PLCH1: variants seen among roughly 807,000 people sequenced by gnomAD.
The protein encoded by PLCH1 is phospholipase C eta 1.
Under a neutral mutation model 126.7 loss-of-function variants are expected in PLCH1, and 60 were observed. The ratio of observed to expected loss-of-function variants is 0.47; its 90% CI spans 0.38 to 0.59. The LOEUF is 0.59. Ranked by LOEUF, PLCH1 falls within the 20% of genes least tolerant of loss-of-function variation. The probability of loss-of-function intolerance (pLI) is 0.00; values close to 1 mark genes in which losing one functional copy is unlikely to be tolerated. For missense variants in PLCH1, 1,723 were observed against 2,040.0 expected (o/e 0.84, Z 2.99); for synonymous variants, 719 against 734.9 (o/e 0.98, Z 0.35).
chr3:155,497,443 T>C (rs967657938), intron 14 of PLCH1, 26 bp from the exon 15 acceptor site: 17 of 1,522,516 alleles, frequency 1.1e-5, no homozygotes, highest in East Asian at 2.3e-5. Context: ...AGAGGATGCA[T>C]GACATTTTGG....
chr3:155,704,077 T>C, intron 2 of PLCH1, 69 bp downstream of exon 2: 1 of 581,678 alleles, frequency 1.7e-6, no homozygotes, highest in Non-Finnish European at 2.5e-6. Flanking sequence ...GCATCTAGAG[T>C]GCTAGAATAA....
At chr3:155,664,347 A>G (rs1321687470) in intron 2 of PLCH1, among the ~76,000 whole-genome samples, 1 of 152,246 alleles carries the variant, frequency 6.6e-6, no homozygotes, top group Non-Finnish European at 1.5e-5. Context: ...CCTTCGGTCA[A>G]GACTCCCTGA....
At chr3:155,529,728 G>A (rs1323335013) in intron 10 of PLCH1, among the ~76,000 whole-genome samples, 1 of 151,470 alleles carries the variant, frequency 6.6e-6, no homozygotes, top group Non-Finnish European at 1.5e-5. Flanking sequence ...GGTGGTTGCT[G>A]AAGGTTAGGT....
intron 4 of PLCH1, among the ~76,000 whole-genome samples, chr3:155,588,796 T>G (rs1268831182): frequency 6.6e-6 from 1 of 152,166 alleles, no homozygotes; most frequent in East Asian, 1.9e-4. Context: ...TACTTGGCCT[T>G]GTGACAGTGG....
intron 2 of PLCH1, among the ~76,000 whole-genome samples, chr3:155,701,090 C>T (rs1172386456): frequency 6.6e-6 from 1 of 152,148 alleles, no homozygotes; most frequent in African/African-American, 2.4e-5. Flanking sequence ...TCAATTCAAC[C>T]AGTTCATTTC....
intron 4 of PLCH1, among the ~76,000 whole-genome samples, chr3:155,591,760 G>T (rs988017497): frequency 1.3e-5 from 2 of 151,940 alleles, no homozygotes; most frequent in Admixed American, 6.6e-5. Context: ...TTGTTTTTGA[G>T]ACAGGGTCTT....
In PLCH1 at chr3:155,644,310, C is replaced by T. The variant is rs1202857626; in HGVS notation, c.80-47932G>A. 2.6e-5 allele frequency among the ~76,000 whole-genome samples: 4 copies of T among 152,128 alleles called. No individual in the cohort carries two copies. In the East Asian group the frequency reaches 7.8e-4, roughly 29 times the overall value. On this transcript the variant is annotated intron_variant, in intron 2 of 22. Transcript: ENST00000460012. ...AGTGAGTATAAGAAGTTTAAAAGTA[C>T]TGATTCCAGAGGCCGAGTGTGGTGA...
At chr3:155,683,461 T>A (rs1744687328) in intron 2 of PLCH1, among the ~76,000 whole-genome samples, 1 of 152,188 alleles carries the variant, frequency 6.6e-6, no homozygotes, top group Non-Finnish European at 1.5e-5. Flanking sequence ...GGCAAGATTT[T>A]ATACACAGGT....
At chr3:155,680,069 G>A (rs1744388288) in intron 2 of PLCH1, among the ~76,000 whole-genome samples, 1 of 152,006 alleles carries the variant, frequency 6.6e-6, no homozygotes, top group South Asian at 2.1e-4. Context: ...ACACAGAAAT[G>A]CTTTAAAAAA....
intron 1 of PLCH1, among the ~76,000 whole-genome samples, chr3:155,740,571 C>A (rs910637082): frequency 3.3e-5 from 5 of 152,106 alleles, no homozygotes; most frequent in Admixed American, 3.3e-4. Context: ...GGATTCGAGG[C>A]CAGGAGCAGT....
At position 155,542,208 on chromosome 3, in the gene PLCH1, A is replaced by T. The variant is rs561633657; in HGVS notation, c.1362+7579T>A. 3.8e-3 allele frequency among the ~76,000 whole-genome samples: 575 copies of T among 152,338 alleles called. 2 individuals carry two copies. Among genetic ancestry groups the T allele is most frequent in the South Asian group, 0.024 (114 of 4,824 alleles). ...AATACTGCGCTTTTCCGACGGGCTT[A>T]AAAAACGGCGCACCAGGAGATTATA... On this transcript the variant is annotated intron_variant, in intron 10 of 22. Transcript: ENST00000460012.
intron 21 of PLCH1, among the ~76,000 whole-genome samples, chr3:155,464,110 A>G (rs1712838892): frequency 2.0e-5 from 3 of 152,204 alleles, no homozygotes; most frequent in East Asian, 1.9e-4. Flanking sequence ...GAGGTCCTCA[A>G]ATGAGATTGT....
intron 10 of PLCH1, 121 bp from the exon 11 acceptor site, chr3:155,524,125 A>C: frequency 2.8e-6 from 2 of 706,040 alleles, no homozygotes; most frequent in Admixed American, 5.0e-5. Flanking sequence ...ATGTACATAC[A>C]ATGGAATCTT....
chr3:155,536,123 G>A (rs1260345844), intron 10 of PLCH1, among the ~76,000 whole-genome samples: 3 of 152,150 alleles, frequency 2.0e-5, no homozygotes, highest in Non-Finnish European at 4.4e-5. Flanking sequence ...AGAGGAAGTG[G>A]GAGGGCACCA....
Position 155,480,832 on chromosome 3 carries a change from T to G in PLCH1, c.*136A>C. 1 of 719,010 alleles carries G rather than the reference T, an allele frequency of 1.4e-6. No homozygotes were observed. The highest frequency in any genetic ancestry group is 2.3e-6 in the Non-Finnish European group (1 of 431,526). The allele number at this position is 719,010 out of a possible 1,614,324, so 44.5% of individuals were successfully genotyped here. On this transcript the variant is annotated 3_prime_UTR_variant, in exon 23 of 23. Coordinates refer to ENST00000460012, the MANE Select transcript of PLCH1 (RefSeq NM_014996.4). ...CAAACGCATTAACAGGGAGAACACA[T>G]GAAGTCAAAGGGAGACCCAAATACA...
At chr3:155,740,452 T>C (rs1749539022) in intron 1 of PLCH1, among the ~76,000 whole-genome samples, 1 of 151,464 alleles carries the variant, frequency 6.6e-6, no homozygotes, top group African/African-American at 2.4e-5. Flanking sequence ...CCACTGTTAA[T>C]TCTACCCAAC....
At chr3:155,701,259 C>G (rs1480599992) in intron 2 of PLCH1, among the ~76,000 whole-genome samples, 3 of 152,114 alleles carry the variant, frequency 2.0e-5, no homozygotes, top group African/African-American at 7.2e-5. Context: ...GGGTAATATT[C>G]TAAATTGTTT....
At chr3:155,552,523 A>T (rs2108461289) in intron 9 of PLCH1, among the ~76,000 whole-genome samples, 1 of 152,292 alleles carries the variant, frequency 6.6e-6, no homozygotes, top group East Asian at 1.9e-4. Flanking sequence ...TTAATCAGAT[A>T]GACTAACGGG....
chr3:155,650,989 G>GATC (rs1458911571), intron 2 of PLCH1, among the ~76,000 whole-genome samples: 12 of 151,664 alleles, frequency 7.9e-5, no homozygotes, highest in Non-Finnish European at 1.8e-4. Context: ...AGTGAGTCAA[G>GATC]ATCACATCAT....
Sources: gnomAD v4.1 joint callset for allele counts (sites outside exome capture counted in the v4.1 genomes callset) on GRCh38, gnomAD v4.1.1 for gene constraint, MANE v1.5 for transcripts, NCBI Gene and HGNC (gene_info 2026-07-23, HGNC 2026-07-21) for gene names.